The following WWC2 variants were observed in gnomAD, a reference collection of about 807,000 sequenced individuals.
WWC2 encodes the protein protein WWC2.
In WWC2, 101 loss-of-function variants were observed where a neutral mutation model predicts 138.5. The observed-to-expected ratio is 0.73, with a 90% CI of 0.62 to 0.86. The LOEUF (loss-of-function observed/expected upper bound fraction) is 0.86, where lower values mean the gene tolerates loss of function less well. WWC2 is among the 40% of genes least tolerant of loss of function. The probability of loss-of-function intolerance (pLI) is 0.00; values close to 1 mark genes in which losing one functional copy is unlikely to be tolerated. For missense variants in WWC2, 1,420 were observed against 1,419.4 expected, an observed-to-expected ratio of 1.00 and a Z score of -0.01; for synonymous variants, 558 against 538.4, an observed-to-expected ratio of 1.04 and a Z score of -0.50.
intron 1 of WWC2, among the ~76,000 whole-genome samples, chr4:183,152,501 A>T (rs1226245898): frequency 1.3e-5 from 2 of 148,558 alleles, no homozygotes; most frequent in South Asian, 4.4e-4. Flanking sequence ...CCTGCCTCTT[A>T]AAAAAAAGAA....
intron 21 of WWC2, among the ~76,000 whole-genome samples, chr4:183,309,517 A>G (rs1739142194): frequency 6.6e-6 from 1 of 152,270 alleles, no homozygotes; most frequent in South Asian, 2.1e-4. Flanking sequence ...GATTAAAGCA[A>G]CAATGAGATA....
intron 1 of WWC2, among the ~76,000 whole-genome samples, chr4:183,136,087 A>G (rs1035279445): frequency 2.0e-5 from 3 of 151,848 alleles, no homozygotes; most frequent in African/African-American, 7.3e-5. Flanking sequence ...GTATGGGTAT[A>G]GATTGCTTTC....
chr4:183,108,102 A>G (rs1233263107), intron 1 of WWC2, among the ~76,000 whole-genome samples: 1 of 152,166 alleles, frequency 6.6e-6, no homozygotes, highest in African/African-American at 2.4e-5. Flanking sequence ...TGTGCAATGT[A>G]TATACATCAG....
chr4:183,211,311 T>C (rs1735589971), intron 4 of WWC2, among the ~76,000 whole-genome samples: 4 of 152,178 alleles, frequency 2.6e-5, no homozygotes, highest in Admixed American at 2.6e-4. Flanking sequence ...AGACATAATC[T>C]CTATTAAAAT....
intron 16 of WWC2, among the ~76,000 whole-genome samples, chr4:183,273,279 A>G (rs1737752102): frequency 6.6e-6 from 1 of 151,292 alleles, no homozygotes; most frequent in Admixed American, 6.6e-5. Flanking sequence ...TTTTTAAACG[A>G]TGTTATTTAT....
chr4:183,275,287 T>G (rs77124264), intron 16 of WWC2, among the ~76,000 whole-genome samples: 3,082 of 152,248 alleles, frequency 0.02, 107 homozygotes, highest in African/African-American at 0.07. Context: ...TTTCCAGTCA[T>G]ATGCCTTTTA....
intron 1 of WWC2, among the ~76,000 whole-genome samples, chr4:183,101,059 A>G (rs1266646258): frequency 6.6e-6 from 1 of 152,230 alleles, no homozygotes; most frequent in Non-Finnish European, 1.5e-5. Flanking sequence ...TGTGCACCCA[A>G]CTGCGGCTTT....
At chr4:183,197,971 T>A (rs1424689553) in intron 2 of WWC2, among the ~76,000 whole-genome samples, 2 of 152,198 alleles carry the variant, frequency 1.3e-5, no homozygotes, top group Admixed American at 6.5e-5. Flanking sequence ...TTTTGTCTGT[T>A]CTGGAACTTC....
chr4:183,105,150 C>T (rs1389306104), intron 1 of WWC2, among the ~76,000 whole-genome samples: 1 of 152,172 alleles, frequency 6.6e-6, no homozygotes, highest in Non-Finnish European at 1.5e-5. Flanking sequence ...CTCAAGTTAC[C>T]TGCCCGCCTT....
At chr4:183,129,185 G>A (rs1214467727) in intron 1 of WWC2, among the ~76,000 whole-genome samples, 5 of 152,312 alleles carry the variant, frequency 3.3e-5, no homozygotes, top group Non-Finnish European at 7.3e-5. Flanking sequence ...TAGAGCTAAC[G>A]GCTTAAAGAA....
chr4:183,312,044 GT>G (rs1444105959), intron 21 of WWC2, among the ~76,000 whole-genome samples: 1 of 152,110 alleles, frequency 6.6e-6, no homozygotes, highest in Non-Finnish European at 1.5e-5. Context: ...GTAATTTTCC[GT>G]TTCATTTTTG....
chr4:183,232,339 T>C (rs1736270629), intron 4 of WWC2, among the ~76,000 whole-genome samples: 1 of 152,202 alleles, frequency 6.6e-6, no homozygotes, highest in Non-Finnish European at 1.5e-5. Flanking sequence ...CATAGTTACA[T>C]GCCCATTATT....
intron 21 of WWC2, among the ~76,000 whole-genome samples, chr4:183,305,709 A>G (rs1249058026): frequency 6.6e-6 from 1 of 152,148 alleles, no homozygotes; most frequent in African/African-American, 2.4e-5. Context: ...TTTTTCAGAC[A>G]AACAAAAATT....
chr4:183,221,959 GA>G (rs1480251816), intron 4 of WWC2, among the ~76,000 whole-genome samples: 1 of 152,164 alleles, frequency 6.6e-6, no homozygotes, highest in Non-Finnish European at 1.5e-5. Context: ...AAATATTTAT[GA>G]GAGCTTTATG....
At chr4:183,288,949 C>T (rs1483268841) in intron 20 of WWC2, among the ~76,000 whole-genome samples, 2 of 152,170 alleles carry the variant, frequency 1.3e-5, no homozygotes, top group Admixed American at 6.5e-5. Context: ...TTACACTAGG[C>T]GGGCTTCATG....
intron 11 of WWC2, among the ~76,000 whole-genome samples, chr4:183,264,084 A>AG (rs1418391205): frequency 2.0e-5 from 3 of 152,158 alleles, no homozygotes; most frequent in Non-Finnish European, 2.9e-5. Context: ...CCCTTCACAA[A>AG]GGGGGGTGGG....
At chr4:183,260,854 T>C in intron 10 of WWC2, 56 bp from the exon 11 acceptor site, 1 of 1,584,354 alleles carries the variant, frequency 6.3e-7, no homozygotes, top group Admixed American at 1.7e-5. Flanking sequence ...GTAGAGATTG[T>C]GATTAGGTTT....
At chr4:183,113,212 C>G (rs998610453) in intron 1 of WWC2, among the ~76,000 whole-genome samples, 7 of 151,956 alleles carry the variant, frequency 4.6e-5, no homozygotes, top group African/African-American at 1.7e-4. Flanking sequence ...GCGGAGGTTG[C>G]AGTGAGCTGA....
At chr4:183,297,330 A>G (rs113691408) in intron 21 of WWC2, among the ~76,000 whole-genome samples, 84 of 152,062 alleles carry the variant, frequency 5.5e-4, no homozygotes, top group African/African-American at 1.9e-3. Context: ...TTTTAAAATT[A>G]GTTTGCATAC....
Sources: gnomAD v4.1 joint callset for allele counts (sites outside exome capture counted in the v4.1 genomes callset) on GRCh38, gnomAD v4.1.1 for gene constraint, MANE v1.5 for transcripts, NCBI Gene and HGNC (gene_info 2026-07-23, HGNC 2026-07-21) for gene names.